The following SLC35F1 variants were observed in gnomAD, a reference collection of about 807,000 sequenced individuals.
SLC35F1 encodes solute carrier family 35 member F1, also known as chromosome 6 open reading frame 169.
Under a neutral mutation model 48.7 loss-of-function variants are expected in SLC35F1, and 14 were observed. That is an observed-to-expected ratio of 0.29 (90% CI 0.19 to 0.45). The LOEUF is 0.45. Among genes scored for constraint, SLC35F1 ranks in the 20% least tolerant of loss-of-function variants. The pLI is 1.00. For synonymous variants in SLC35F1, 190 were observed against 202.2 expected (o/e 0.94, Z 0.51); for missense variants, 404 against 500.0 (o/e 0.81, Z 1.83).
At chr6:118,106,488 C>G (rs540003256) in intron 1 of SLC35F1, among the ~76,000 whole-genome samples, 2 of 152,182 alleles carry the variant, frequency 1.3e-5, no homozygotes, top group East Asian at 3.9e-4. Flanking sequence ...CCTGTTGGCT[C>G]TACAGCCACT....
chr6:118,076,658 C>T lies in SLC35F1; in HGVS notation c.174-77787C>T, dbSNP rs148933399. ...ACCTCCCACCAGGCGTCTCTTTGAA[C>T]CCGTGTGGATTACAATTTGACATGA... is the stretch of plus-strand genomic sequence containing the variant. On this transcript the variant is annotated intron_variant, in intron 1 of 7. Transcript: ENST00000360388. 2.2e-4 allele frequency among the ~76,000 whole-genome samples: 34 copies of T among 152,320 alleles called. No homozygotes were observed. The East Asian group carries it at 6.6e-3, about 29-fold the overall frequency.
chr6:118,138,575 T>G (rs1300910033), intron 1 of SLC35F1, among the ~76,000 whole-genome samples: 1 of 152,228 alleles, frequency 6.6e-6, no homozygotes, highest in African/African-American at 2.4e-5. Context: ...CTGTGAGAAC[T>G]TCATTAGATT....
intron 2 of SLC35F1, among the ~76,000 whole-genome samples, chr6:118,160,912 T>A (rs1462425292): frequency 6.6e-6 from 1 of 151,834 alleles, no homozygotes; most frequent in Non-Finnish European, 1.5e-5. Context: ...TTTTTTTTTT[T>A]TGAGGAGGTT....
At chr6:118,044,511 C>T (rs912886869) in intron 1 of SLC35F1, among the ~76,000 whole-genome samples, 1 of 152,094 alleles carries the variant, frequency 6.6e-6, no homozygotes, top group African/African-American at 2.4e-5. Context: ...TCACTGGGGC[C>T]ACCATGGCTC....
At chr6:118,282,326 A>T (rs1346049486) in intron 6 of SLC35F1, among the ~76,000 whole-genome samples, 1 of 152,236 alleles carries the variant, frequency 6.6e-6, no homozygotes, top group African/African-American at 2.4e-5. Context: ...TTTGCTTGGG[A>T]AACAGTATAT....
At chr6:118,283,563 C>T (rs1024537493) in intron 6 of SLC35F1, among the ~76,000 whole-genome samples, 6 of 152,144 alleles carry the variant, frequency 3.9e-5, no homozygotes, top group African/African-American at 1.4e-4. Context: ...GTATTTAAAT[C>T]AGTGACACCT....
chr6:118,034,918 G>A (rs1310343385), intron 1 of SLC35F1, among the ~76,000 whole-genome samples: 1 of 152,138 alleles, frequency 6.6e-6, no homozygotes, highest in Non-Finnish European at 1.5e-5. Flanking sequence ...TAGTTGAGTA[G>A]TGTTTCTTAC....
chr6:118,001,523 T>C (rs1414108575), intron 1 of SLC35F1, among the ~76,000 whole-genome samples: 1 of 152,210 alleles, frequency 6.6e-6, no homozygotes, highest in Admixed American at 6.5e-5. Context: ...GCATTACCAT[T>C]CAGGACATAG....
chr6:118,235,778 T>A lies in SLC35F1; in HGVS notation c.477+142T>A, dbSNP rs889148919. ...TACAGACTGCAGTATACAGATTCTG[T>A]ATACTATAAGTCTATGAGTTTTGCA... On this transcript the variant is annotated intron_variant, in intron 3 of 7. Coordinates refer to ENST00000360388, the MANE Select transcript of SLC35F1 (RefSeq NM_001029858.4). 30 of 720,210 alleles carry A rather than the reference T, an allele frequency of 4.2e-5. No individual in the cohort carries two copies. In the Admixed American group the frequency reaches 1.0e-3, roughly 25 times the overall value. The allele number at this position is 720,210 out of a possible 1,614,324, so 44.6% of individuals were successfully genotyped here.
At chr6:118,277,411 A>G (rs1342105190) in intron 5 of SLC35F1, 83 bp from the exon 6 acceptor site, 3 of 1,250,944 alleles carry the variant, frequency 2.4e-6, no homozygotes, top group Non-Finnish European at 3.5e-6. Context: ...TATACATCTG[A>G]TAAGTGGGGG....
chr6:118,164,777 C>T (rs984653822), intron 2 of SLC35F1, among the ~76,000 whole-genome samples: 4 of 152,058 alleles, frequency 2.6e-5, no homozygotes, highest in African/African-American at 2.4e-5. Flanking sequence ...GACCATATTC[C>T]AGCATATATG....
At chr6:118,016,779 T>A (rs923910861) in intron 1 of SLC35F1, among the ~76,000 whole-genome samples, 4 of 152,216 alleles carry the variant, frequency 2.6e-5, no homozygotes, top group African/African-American at 9.7e-5. Flanking sequence ...AAGCTTCTTT[T>A]TAAAGACTCA....
intron 1 of SLC35F1, among the ~76,000 whole-genome samples, chr6:118,084,120 TA>T (rs1772950743): frequency 2.0e-5 from 3 of 152,226 alleles, no homozygotes; most frequent in Admixed American, 1.3e-4. Context: ...GTCACATGGC[TA>T]ATAAGTCCTT....
At chr6:118,120,044 C>T (rs145997918) in intron 1 of SLC35F1, among the ~76,000 whole-genome samples, 3 of 152,196 alleles carry the variant, frequency 2.0e-5, no homozygotes, top group African/African-American at 7.2e-5. Flanking sequence ...GATTTGACTA[C>T]CAATATAAAC....
intron 1 of SLC35F1, among the ~76,000 whole-genome samples, chr6:118,028,249 C>A (rs1771986732): frequency 6.6e-6 from 1 of 152,078 alleles, no homozygotes; most frequent in Non-Finnish European, 1.5e-5. Context: ...TCTGTTTCCG[C>A]TTTCTCCTGT....
Position 118,051,180 on chromosome 6 carries a change from G to A in SLC35F1, c.174-103265G>A, listed in dbSNP as rs972519209. 7.9e-5 allele frequency among the ~76,000 whole-genome samples: 12 copies of A among 152,246 alleles called. No individual in the cohort carries two copies. In the South Asian group the frequency reaches 1.2e-3, roughly 16 times the overall value. ...AGTCAGTTTCCTAGTTATCTGGATT[G>A]TCGACTTTTACCATTTATCAAGCAT... On this transcript the variant is annotated intron_variant, in intron 1 of 7. Coordinates refer to ENST00000360388, the MANE Select transcript of SLC35F1 (RefSeq NM_001029858.4).
chr6:118,230,663 C>T (rs915421438), intron 2 of SLC35F1, among the ~76,000 whole-genome samples: 2 of 152,122 alleles, frequency 1.3e-5, no homozygotes, highest in South Asian at 2.1e-4. Flanking sequence ...TGAACCAAAA[C>T]AGGAGCCTAA....
intron 1 of SLC35F1, among the ~76,000 whole-genome samples, chr6:118,050,652 A>G (rs542116670): frequency 7.2e-5 from 11 of 152,200 alleles, no homozygotes; most frequent in Middle Eastern, 3.4e-3. Flanking sequence ...AGGTCTGAGG[A>G]ACTGAAAGAA....
chr6:118,246,912 GC>G (rs1775514810), intron 3 of SLC35F1, among the ~76,000 whole-genome samples: 1 of 152,044 alleles, frequency 6.6e-6, no homozygotes, highest in Admixed American at 6.5e-5. Flanking sequence ...TTTTAACAGT[GC>G]CCCCACTGGT....
Sources: allele counts gnomAD v4.1 joint callset (sites outside exome capture counted in the v4.1 genomes callset), GRCh38; gene constraint gnomAD v4.1.1; transcripts MANE v1.5; gene names NCBI Gene and HGNC (gene_info 2026-07-23, HGNC 2026-07-21).